The following PPIP5K2 variants were observed in gnomAD, a reference collection of about 807,000 sequenced individuals.
The protein encoded by PPIP5K2 is diphosphoinositol pentakisphosphate kinase 2.
In PPIP5K2, 105 loss-of-function variants were observed where a neutral mutation model predicts 154.6. That is an observed-to-expected ratio of 0.68 (90% CI 0.58 to 0.80). PPIP5K2 has a LOEUF of 0.80. Among genes scored for constraint, PPIP5K2 ranks in the 30% least tolerant of loss-of-function variants. The pLI is 0.00. For synonymous variants in PPIP5K2, 480 were observed against 490.3 expected (o/e 0.98, Z 0.28); for missense variants, 992 against 1,504.6 (o/e 0.66, Z 5.64).
intron 5 of PPIP5K2, among the ~76,000 whole-genome samples, chr5:103,146,169 T>C (rs1793725997): frequency 6.6e-6 from 1 of 152,084 alleles, no homozygotes. Flanking sequence ...AATAACTTCA[T>C]GTTTTACGAT....
intron 16 of PPIP5K2, among the ~76,000 whole-genome samples, 174 bp downstream of exon 16, chr5:103,158,747 C>T (rs1433191469): frequency 1.3e-4 from 20 of 151,744 alleles, no homozygotes; most frequent in Admixed American, 1.2e-3. Flanking sequence ...CATGACGAAA[C>T]CTGTCTCTGC....
intron 6 of PPIP5K2, among the ~76,000 whole-genome samples, chr5:103,147,111 T>C (rs1583288621): frequency 6.6e-6 from 1 of 152,066 alleles, no homozygotes; most frequent in East Asian, 1.9e-4. Context: ...ACTTTTTGGA[T>C]TGACAAAGAT....
chr5:103,134,161 C>A (rs994064092), intron 3 of PPIP5K2, among the ~76,000 whole-genome samples: 13 of 152,046 alleles, frequency 8.6e-5, no homozygotes, highest in Non-Finnish European at 1.5e-4. Flanking sequence ...TATCATTTTT[C>A]ATATACATAT....
Position 103,158,576 on chromosome 5 carries a change from A to T in PPIP5K2, c.1737+3A>T. The stretch of plus-strand genomic sequence containing the variant: ...TGACTGCAGCTGCTTTTGCAAAGGT[A>T]TAAATAATTTTTTTTTAGAATTATT... On this transcript the variant is annotated splice_donor_region_variant and intron_variant, in intron 16 of 30. Transcript: ENST00000358359. 1 of 1,567,138 alleles carries T rather than the reference A, an allele frequency of 6.4e-7. No homozygotes were observed. Among genetic ancestry groups the T allele is most frequent in the Non-Finnish European group, 8.6e-7 (1 of 1,165,394 alleles).
chr5:103,136,849 G>A (rs190203264), intron 4 of PPIP5K2, 27 bp downstream of exon 4: 2 of 1,536,154 alleles, frequency 1.3e-6, no homozygotes, highest in African/African-American at 2.7e-5. Flanking sequence ...GCTGAATTAA[G>A]GGAAGGAAAA....
At position 103,120,643 on chromosome 5, in the gene PPIP5K2, G is replaced by A. The variant is rs2149412039; in HGVS notation, c.-285+155G>A. 5.4e-6 allele frequency: 2 copies of A among 372,370 alleles called. 1 individual carries two copies. The highest frequency in any genetic ancestry group is 3.8e-5 in the South Asian group (2 of 53,252). 23.1% of individuals were successfully genotyped at this position (372,370 alleles called of 1,614,324 possible). A position where few individuals can be genotyped will look rare whatever the true frequency, so the allele number is the denominator to read the frequency against. On this transcript the variant is annotated intron_variant, in intron 1 of 30. Coordinates refer to ENST00000358359, the MANE Select transcript of PPIP5K2 (RefSeq NM_001276277.3). ...TGTGCTGGAGAGAATGACAGCCTGGGCGTGGAGTGACAGTACAGCTTTGAG... is the reference window on the plus strand; with the variant it reads ...TGTGCTGGAGAGAATGACAGCCTGGACGTGGAGTGACAGTACAGCTTTGAG...
chr5:103,123,574 A>T (rs1789139735), intron 1 of PPIP5K2, among the ~76,000 whole-genome samples: 1 of 152,284 alleles, frequency 6.6e-6, no homozygotes, highest in South Asian at 2.1e-4. Context: ...GGTTTAAGGG[A>T]TATTTGTCTT....
chr5:103,142,106 C>G (rs1398616258), intron 5 of PPIP5K2, among the ~76,000 whole-genome samples: 1 of 152,186 alleles, frequency 6.6e-6, no homozygotes, highest in Non-Finnish European at 1.5e-5. Flanking sequence ...TGGGGAGGCT[C>G]GGGCCGCACA....
At position 103,150,171 on chromosome 5, in the gene PPIP5K2, A is replaced by C. The variant is rs1583302485; in HGVS notation, c.906+858A>C. 2.0e-5 allele frequency among the ~76,000 whole-genome samples: 3 copies of C among 152,194 alleles called. No homozygotes were observed. In the East Asian group the frequency reaches 5.8e-4, roughly 29 times the overall value. ...CTTGAAATCTTAAAGACTAGTATAT[A>C]TTACTGGTTGTTAAATAATAAATAA... is the stretch of plus-strand genomic sequence containing the variant. On this transcript the variant is annotated intron_variant, in intron 8 of 30. Transcript: ENST00000358359.
Position 103,129,523 on chromosome 5 carries a change from T to C in PPIP5K2, c.-67T>C, listed in dbSNP as rs546218088. ...ATATATGGAGAATGCTTTCTTCTGA[T>C]ACTATTTACTTAGAGGCAGTTTTAA... On this transcript the variant is annotated 5_prime_UTR_variant, in exon 2 of 31. Coordinates refer to ENST00000358359, the MANE Select transcript of PPIP5K2 (RefSeq NM_001276277.3). 3 of 1,303,934 alleles carry C rather than the reference T, an allele frequency of 2.3e-6. No individual in the cohort carries two copies. Among genetic ancestry groups the C allele is most frequent in the African/African-American group, 1.5e-5 (1 of 66,344 alleles). 80.8% of individuals were successfully genotyped at this position (1,303,934 alleles called of 1,614,324 possible).
chr5:103,159,491 A>G (rs1795896928), intron 17 of PPIP5K2, among the ~76,000 whole-genome samples, 163 bp downstream of exon 17: 1 of 152,170 alleles, frequency 6.6e-6, no homozygotes. Context: ...TGGCTTCTGT[A>G]TGCCCCTTTT....
At chr5:103,166,568 A>G (rs1198899583) in intron 17 of PPIP5K2, among the ~76,000 whole-genome samples, 1 of 152,050 alleles carries the variant, frequency 6.6e-6, no homozygotes, top group Admixed American at 6.6e-5. Flanking sequence ...GGCTGGTATC[A>G]TCGCTTACAA....
In PPIP5K2 at chr5:103,175,416, CAAA is replaced by C. The variant is rs1210855864; in HGVS notation, c.2529+1448_2529+1450del. 3.9e-5 allele frequency among the ~76,000 whole-genome samples: 6 copies of C among 152,204 alleles called. No homozygotes were observed. In the East Asian group the frequency reaches 5.8e-4, roughly 15 times the overall value. ...AAAAAATGACCCTTAATTAGCAAGG[CAAA>C]AAAGCTTGTATATCCAGTAGTATTG... On this transcript the variant is annotated intron_variant, in intron 21 of 30. Transcript: ENST00000358359.
At position 103,152,685 on chromosome 5, in the gene PPIP5K2, A is replaced by G; in HGVS notation, c.1066A>G (p.Ile356Val). 1 of 1,597,166 alleles carries G rather than the reference A, an allele frequency of 6.3e-7. No individual in the cohort carries two copies. The highest frequency in any genetic ancestry group is 1.3e-5 in the African/African-American group (1 of 74,630). Residue 356 changes from isoleucine (I) to valine (V), a missense_variant, in exon 10 of 31, where the codon ATT becomes GTT. Around this residue, in one of 9 missense-constraint regions of PPIP5K2, gnomAD observed 163 missense variants for 285.2 expected, o/e 0.57. Coordinates refer to ENST00000358359, the MANE Select transcript of PPIP5K2 (RefSeq NM_001276277.3). ...GCGAGAACTTGCTCCACAATTTCAT[A>G]TTCCATGGTCAATACCCTTAGAAGC... ...VMRELAPQFH[I>V]PWSIPLEAED... is the part of the protein sequence containing the mutation.
rs1289906974 is a variant in PPIP5K2, at chr5:103,146,540, T to C, written c.501T>C (p.Ile167=). 1 of 1,610,858 alleles carries C rather than the reference T, an allele frequency of 6.2e-7. No individual in the cohort carries two copies. The highest frequency in any genetic ancestry group is 8.5e-7 in the Non-Finnish European group (1 of 1,178,774). Residue 167 remains isoleucine, a synonymous_variant, in exon 6 of 31, where the codon ATT becomes ATC. Coordinates refer to ENST00000358359, the MANE Select transcript of PPIP5K2 (RefSeq NM_001276277.3). ...DPNNPKECNL[I]EGEDHVEVNG... ...TTTGTTTTATAGAATGTAATCTGATTGAAGGGGAAGATCATGTAGAAGTAA... is the reference window on the plus strand; with the variant it reads ...TTTGTTTTATAGAATGTAATCTGATCGAAGGGGAAGATCATGTAGAAGTAA...
At chr5:103,148,845 G>T (rs1794146887) in intron 7 of PPIP5K2, among the ~76,000 whole-genome samples, 1 of 149,902 alleles carries the variant, frequency 6.7e-6, no homozygotes, top group Non-Finnish European at 1.5e-5. Context: ...TCTCTCATTT[G>T]TTAAACTAAA....
At chr5:103,195,153 G>A in intron 30 of PPIP5K2, 128 bp downstream of exon 30, 1 of 1,184,130 alleles carries the variant, frequency 8.4e-7, no homozygotes, top group South Asian at 2.1e-5. Context: ...TGATCCTAAG[G>A]GTTAAAAATC....
At chr5:103,152,341 G>A (rs191751286) in intron 9 of PPIP5K2, among the ~76,000 whole-genome samples, 1 of 152,016 alleles carries the variant, frequency 6.6e-6, no homozygotes, top group Non-Finnish European at 1.5e-5. Flanking sequence ...AGACAATCTT[G>A]AATTTCAGAA....
intron 1 of PPIP5K2, among the ~76,000 whole-genome samples, chr5:103,123,713 C>G (rs1234703452): frequency 6.6e-6 from 1 of 152,142 alleles, no homozygotes; most frequent in Non-Finnish European, 1.5e-5. Flanking sequence ...TACAAGTCTA[C>G]CAGATAATTC....
Sources: allele counts gnomAD v4.1 joint callset (sites outside exome capture counted in the v4.1 genomes callset), GRCh38; gene constraint gnomAD v4.1.1; regional missense constraint gnomAD v4.1.1; transcripts MANE v1.5; gene names NCBI Gene and HGNC (gene_info 2026-07-23, HGNC 2026-07-21).